THAP8: variants seen among roughly 807,000 people sequenced by gnomAD.
THAP8 encodes the protein THAP domain-containing protein 8.
THAP8 carries 24 observed loss-of-function variants against 25.0 expected under a neutral mutation model. That is an observed-to-expected ratio of 0.96 (90% CI 0.69 to 1.35). The LOEUF is 1.35. Ranked by LOEUF, THAP8 falls within the 40% of genes most tolerant of loss-of-function variation. The pLI, the probability that THAP8 is intolerant of heterozygous loss-of-function variation, is 0.00. For missense variants in THAP8, 399 were observed against 368.8 expected (o/e 1.08, Z -0.67); for synonymous variants, 169 against 157.6 (o/e 1.07, Z -0.54).
At chr19:36,049,194 TC>T (rs1008761509) in intron 1 of THAP8, among the ~76,000 whole-genome samples, 3 of 150,486 alleles carry the variant, frequency 2.0e-5, no homozygotes, top group Non-Finnish European at 4.4e-5. Context: ...TAACATTGTC[TC>T]CCCACACAAC....
chr19:36,042,576 A>G (rs756754622), intron 1 of THAP8, among the ~76,000 whole-genome samples: 1 of 152,244 alleles, frequency 6.6e-6, no homozygotes, highest in Non-Finnish European at 1.5e-5. Context: ...GGCTACAGTG[A>G]GCCATGATCA....
intron 1 of THAP8, among the ~76,000 whole-genome samples, chr19:36,048,849 AAAAAAAAC>A (rs1293672929): frequency 1.5e-5 from 2 of 129,874 alleles, no homozygotes; most frequent in East Asian, 2.2e-4. Flanking sequence ...TTTAAAAAAA[AAAAAAAAC>A]AAAAAAACAA....
intron 1 of THAP8, among the ~76,000 whole-genome samples, chr19:36,043,069 C>A (rs1568552528): frequency 6.6e-6 from 1 of 152,110 alleles, no homozygotes; most frequent in South Asian, 2.1e-4. Context: ...GCTGGGATTA[C>A]AGGTGCCTGC....
At chr19:36,054,762 G>A (rs1970245957), upstream of THAP8, 2 of 632,978 alleles carry the variant, frequency 3.2e-6, no homozygotes, top group East Asian at 5.5e-5. Flanking sequence ...CACTGGCTGT[G>A]GCCCCGCCCC....
chr19:36,039,927 G>A lies in THAP8; in HGVS notation c.276+17C>T, dbSNP rs569281152. ...TCTGGGGGTTGGATTCCAGCAGCAG[G>A]ACCTCCCAGCGCTCACCTTGGCAGG... On this transcript the variant is annotated intron_variant, in intron 2 of 3. Transcript: ENST00000292894. 1.2e-5 allele frequency: 19 copies of A among 1,611,514 alleles called. No homozygotes were observed. The highest frequency in any genetic ancestry group is 4.4e-5 in the South Asian group (4 of 91,014).
rs1555790109 is a variant in THAP8, at chr19:36,048,869, A to AC, written c.83+5265_83+5266insG. 1.9e-3 allele frequency among the ~76,000 whole-genome samples: 280 copies of AC among 150,778 alleles called. 4 individuals are homozygous for AC. Among genetic ancestry groups the AC allele is most frequent in the African/African-American group, 6.1e-3 (247 of 40,810 alleles). The stretch of plus-strand genomic sequence containing the variant: ...AAAAAAAAAAAAACAAAAAAACAAA[A>AC]AACACCTTTGTTGTAGTAAGCCACT... On this transcript the variant is annotated intron_variant, in intron 1 of 3. Coordinates refer to ENST00000292894, the MANE Select transcript of THAP8 (RefSeq NM_152658.3).
chr19:36,036,657 C>G (rs769217175), intron 3 of THAP8, among the ~76,000 whole-genome samples: 2 of 152,066 alleles, frequency 1.3e-5, no homozygotes, highest in South Asian at 4.2e-4. Flanking sequence ...TCTGAGACTC[C>G]TGGCTGGGCA....
intron 1 of THAP8, among the ~76,000 whole-genome samples, chr19:36,043,887 CA>C (rs568500228): frequency 5.9e-5 from 9 of 151,538 alleles, no homozygotes; most frequent in Non-Finnish European, 1.3e-4. Context: ...GACTCCATCT[CA>C]AAAAAAAATT....
chr19:36,049,366 A>G (rs1357693874), intron 1 of THAP8, among the ~76,000 whole-genome samples: 1 of 148,778 alleles, frequency 6.7e-6, no homozygotes, highest in Non-Finnish European at 1.5e-5. Flanking sequence ...TCATGTTTCA[A>G]AAAAAAAAAA....
chr19:36,043,081 A>G (rs1025295960), intron 1 of THAP8, among the ~76,000 whole-genome samples: 7 of 152,108 alleles, frequency 4.6e-5, no homozygotes, highest in Non-Finnish European at 1.0e-4. Context: ...GGTGCCTGCC[A>G]CTGCACCTGG....
chr19:36,040,421 G>A (rs1444124315), intron 1 of THAP8, among the ~76,000 whole-genome samples: 1 of 152,122 alleles, frequency 6.6e-6, no homozygotes, highest in Non-Finnish European at 1.5e-5. Context: ...CCGCCTCCTG[G>A]GTTCAAACGA....
At chr19:36,037,379 CA>C (rs1386946984) in intron 3 of THAP8, among the ~76,000 whole-genome samples, 14 of 149,688 alleles carry the variant, frequency 9.4e-5, no homozygotes, top group African/African-American at 2.7e-4. Context: ...CACACACACA[CA>C]CCCAGCAGTA....
In THAP8 at chr19:36,039,528, G is replaced by A. The variant is rs75451634; in HGVS notation, c.467C>T (p.Thr156Ile). The A allele has an allele frequency of 1.9e-3, 2,954 of 1,556,046 alleles. 7 individuals are homozygous for A. The highest frequency in any genetic ancestry group is 2.0e-3 in the Non-Finnish European group (2,342 of 1,148,596). ...MLLTPLAPAP[T>I]PERSQPEVPA... ...GACTTCAGGTTGTGACCGCTCAGGA[G>A]TTGGCGCAGGGGCCAGGGGGGTCAG... The change falls in exon 3 of 4, where the codon ACT becomes ATT. Residue 156 changes from threonine to isoleucine, a missense_variant. Coordinates refer to ENST00000292894, the MANE Select transcript of THAP8 (RefSeq NM_152658.3).
intron 3 of THAP8, among the ~76,000 whole-genome samples, chr19:36,036,292 TTGA>T (rs1474154627): frequency 6.6e-6 from 1 of 150,916 alleles, no homozygotes; most frequent in Non-Finnish European, 1.5e-5. Flanking sequence ...TTTTTTTTTT[TTGA>T]GACAGAGTCT....
At chr19:36,039,277 A>C in intron 3 of THAP8, 46 bp downstream of exon 3, 1 of 1,419,124 alleles carries the variant, frequency 7.0e-7, no homozygotes, top group Non-Finnish European at 9.2e-7. Flanking sequence ...ACTGCAGGCC[A>C]GGCCACCACC....
At position 36,054,184 on chromosome 19, in the gene THAP8, T is replaced by C. The variant is rs200497258; in HGVS notation, c.34A>G (p.Asn12Asp). 2 of 1,613,908 alleles carry C rather than the reference T, an allele frequency of 1.2e-6. No individual in the cohort carries two copies. Among genetic ancestry groups the C allele is most frequent in the Admixed American group, 3.3e-5 (2 of 60,018 alleles). Residue 12 changes from asparagine to aspartate, a missense_variant, in exon 1 of 4, where the codon AAC becomes GAC. Physicochemically the swap from Asn to Asp is conservative, Grantham distance 23. Coordinates refer to ENST00000292894, the MANE Select transcript of THAP8 (RefSeq NM_152658.3). ...PKYCRAPNCS[N>D]TAGRLGADNR... is the part of the protein sequence containing the mutation. Reference sequence around the variant, plus strand: ...TCTGCACCCAGGCGGCCCGCAGTGTTGGAGCAGTTCGGCGCCCTGCAGTAC... The same window carrying C: ...TCTGCACCCAGGCGGCCCGCAGTGTCGGAGCAGTTCGGCGCCCTGCAGTAC...
chr19:36,054,666 TA>T (rs1159648881), upstream of THAP8: 1 of 564,450 alleles, frequency 1.8e-6, no homozygotes, highest in Non-Finnish European at 3.2e-6. Flanking sequence ...CTTAGCCTCG[TA>T]AAAATTAAAA....
chr19:36,048,855 AAC>A lies in THAP8; in HGVS notation c.83+5278_83+5279del, dbSNP rs370308257. Among the ~76,000 whole-genome samples, 203 of 134,192 alleles carry A rather than the reference AAC, an allele frequency of 1.5e-3. 12 individuals are homozygous for A. Among genetic ancestry groups the A allele is most frequent in the South Asian group, 7.2e-3 (29 of 4,044 alleles). 88.0% of individuals were successfully genotyped at this position (134,192 alleles called of 152,430 possible). Reference sequence around the variant, plus strand: ...GACCCCTTCTTTAAAAAAAAAAAAAAACAAAAAAACAAAAAACACCTTTGTTG... The same window carrying A: ...GACCCCTTCTTTAAAAAAAAAAAAAAAAAAAAACAAAAAACACCTTTGTTG... On this transcript the variant is annotated intron_variant, in intron 1 of 3. Coordinates refer to ENST00000292894, the MANE Select transcript of THAP8 (RefSeq NM_152658.3).
chr19:36,042,016 T>G (rs2145438641), intron 1 of THAP8, among the ~76,000 whole-genome samples: 1 of 151,766 alleles, frequency 6.6e-6, no homozygotes, highest in East Asian at 1.9e-4. Flanking sequence ...CTCAGGAATT[T>G]GAACGCTGCA....
Sources: gnomAD v4.1 joint callset for allele counts (sites outside exome capture counted in the v4.1 genomes callset) on GRCh38, gnomAD v4.1.1 for gene constraint, MANE v1.5 for transcripts, NCBI Gene and HGNC (gene_info 2026-07-23, HGNC 2026-07-21) for gene names.